The following MSANTD2 variants were observed in gnomAD, a reference collection of about 807,000 sequenced individuals.
MSANTD2 encodes Myb/SANT DNA binding domain containing 2.
Under a neutral mutation model 52.6 loss-of-function variants are expected in MSANTD2, and 19 were observed. That is an observed-to-expected ratio of 0.36 (90% CI 0.25 to 0.53). The LOEUF (loss-of-function observed/expected upper bound fraction) is 0.53. Among genes scored for constraint, MSANTD2 ranks in the 20% least tolerant of loss-of-function variants. The pLI is 0.91. For missense variants in MSANTD2, 558 were observed against 716.3 expected (o/e 0.78, Z 2.52); for synonymous variants, 291 against 289.7 (o/e 1.00, Z -0.04).
chr11:124,780,615 A>G (rs538109475), intron 1 of MSANTD2, among the ~76,000 whole-genome samples: 30 of 152,336 alleles, frequency 2.0e-4, no homozygotes, highest in African/African-American at 7.2e-4. Flanking sequence ...TGGACTCACT[A>G]AAGAACCCAT....
Position 124,767,456 on chromosome 11 carries a change from A to G in MSANTD2, c.1400T>C (p.Ile467Thr). 1.2e-6 allele frequency: 2 copies of G among 1,614,144 alleles called. No homozygotes were observed. The highest frequency in any genetic ancestry group is 1.3e-5 in the African/African-American group (1 of 75,030). The change falls in exon 4 of 4, where the codon ATA (isoleucine) becomes ACA (threonine). Residue 467 changes from isoleucine (I) to threonine (T), a missense_variant. Transcript: ENST00000374979. The surrounding 1 kb of genome is among the most constrained non-coding windows in gnomAD (Gnocchi z 6.5). The stretch of plus-strand genomic sequence containing the variant: ...GCAATAGATAATTCGGGTGGGTTCT[A>G]TTTCCACCTGTAATGAGGCTTGTGC... ...LSAQASLQVE[I>T]EPTRIIYCYL...
intron 1 of MSANTD2, among the ~76,000 whole-genome samples, chr11:124,782,409 G>A (rs563020797): frequency 1.1e-3 from 166 of 152,140 alleles, no homozygotes; most frequent in Admixed American, 2.2e-3. Context: ...CCATGATCAC[G>A]CCACTGCACT....
At position 124,766,952 on chromosome 11, in the gene MSANTD2, A is replaced by T; in HGVS notation, c.*224T>A. The T allele has an allele frequency of 2.3e-6, 1 of 433,346 alleles. No individual in the cohort carries two copies. The allele number at this position is 433,346 out of a possible 1,614,324, so 26.8% of individuals were successfully genotyped here. The stretch of plus-strand genomic sequence containing the variant: ...AAAAGAAATAGCTGACCCACCATGC[A>T]AGTTCGCTATATATCTTGCTTGCTC... On this transcript the variant is annotated 3_prime_UTR_variant, in exon 4 of 4. Coordinates refer to ENST00000374979, the MANE Select transcript of MSANTD2 (RefSeq NM_001308027.2).
chr11:124,775,092 CA>C (rs1242703572), intron 1 of MSANTD2, 118 bp from the exon 2 acceptor site: 1 of 836,560 alleles, frequency 1.2e-6, no homozygotes, highest in Non-Finnish European at 1.7e-6. Flanking sequence ...CACATTGTTA[CA>C]GGAATGCTAG....
At chr11:124,778,711 G>T (rs1381609284) in intron 1 of MSANTD2, among the ~76,000 whole-genome samples, 1 of 152,212 alleles carries the variant, frequency 6.6e-6, no homozygotes, top group African/African-American at 2.4e-5. Context: ...AGACTTCAAA[G>T]ATGTCCCATT....
intron 1 of MSANTD2, among the ~76,000 whole-genome samples, chr11:124,785,515 G>C (rs1461236704): frequency 2.0e-5 from 3 of 152,206 alleles, no homozygotes; most frequent in Non-Finnish European, 4.4e-5. Context: ...TTGTCCTTCA[G>C]AGTTATACCG....
Position 124,774,799 on chromosome 11 carries a change from C to T in MSANTD2, c.686G>A (p.Ser229Asn). 1 of 1,614,174 alleles carries T rather than the reference C, an allele frequency of 6.2e-7. No individual in the cohort carries two copies. Among genetic ancestry groups the T allele is most frequent in the Non-Finnish European group, 8.5e-7 (1 of 1,180,012 alleles). Residue 229 changes from serine to asparagine, a missense_variant, in exon 2 of 4, where the codon AGC becomes AAC. Physicochemically the swap from Ser to Asn is conservative, Grantham distance 46. This residue lies in a region of MSANTD2 where 408 missense variants were observed against 573.6 expected (regional missense o/e 0.71). Transcript: ENST00000374979. The surrounding 1 kb of genome is among the most constrained non-coding windows in gnomAD (Gnocchi z 5.1). ...GLYQELESDG[S>N]TMEDYSQEDW... ...CTCCTGTGAATAGTCCTCCATAGTGCTGCCATCTGACTCCAGCTCCTGGTA... is the reference window on the plus strand; with the variant it reads ...CTCCTGTGAATAGTCCTCCATAGTGTTGCCATCTGACTCCAGCTCCTGGTA...
At position 124,777,096 on chromosome 11, in the gene MSANTD2, A is replaced by G. The variant is rs188238218; in HGVS notation, c.511-2122T>C. 5.5e-4 allele frequency among the ~76,000 whole-genome samples: 83 copies of G among 152,278 alleles called. No homozygotes were observed. The East Asian group carries it at 9.7e-3, about 18-fold the overall frequency. Reference sequence around the variant, plus strand: ...AGCGCCCTCTGCCCTCCTTGCAGGGATTGGAATTTGAATTCCAAACATCCC... The same window carrying G: ...AGCGCCCTCTGCCCTCCTTGCAGGGGTTGGAATTTGAATTCCAAACATCCC... On this transcript the variant is annotated intron_variant, in intron 1 of 3. Transcript: ENST00000374979.
chr11:124,767,779 A>G lies in MSANTD2; in HGVS notation c.1077T>C (p.Ile359=). 6.2e-7 allele frequency: 1 copy of G among 1,614,218 alleles called. No homozygotes were observed. Among genetic ancestry groups the G allele is most frequent in the Non-Finnish European group, 8.5e-7 (1 of 1,180,036 alleles). ...FNSEKPEGRI[I]MTRVQKMNWK... ...AGTTCATTTTCTGCACTCGGGTCAT[A>G]ATGATCCGTCCTTCAGGCTTCTCAG... The change falls in exon 4 of 4, where the codon ATT becomes ATC. Residue 359 remains isoleucine, a synonymous_variant. Transcript: ENST00000374979. The surrounding 1 kb of genome is among the most constrained non-coding windows in gnomAD (Gnocchi z 6.5).
chr11:124,799,628 A>ATTCCCC (rs1945618803), intron 1 of MSANTD2, among the ~76,000 whole-genome samples: 2 of 152,206 alleles, frequency 1.3e-5, no homozygotes, highest in African/African-American at 4.8e-5. Flanking sequence ...GAACATCTCA[A>ATTCCCC]TTGGCAAGAA....
intron 1 of MSANTD2, 184 bp from the exon 2 acceptor site, chr11:124,775,158 C>T: frequency 1.8e-6 from 1 of 565,054 alleles, no homozygotes. Flanking sequence ...TTTACTCAAA[C>T]ATGTTATAAT....
chr11:124,767,114 G>C lies in MSANTD2; in HGVS notation c.*62C>G. ...CGGCATCTGGATGAGGGGTGGTCCGGGTAATGGGAAGTGAGTAGAGAAGAA... is the reference window on the plus strand; with the variant it reads ...CGGCATCTGGATGAGGGGTGGTCCGCGTAATGGGAAGTGAGTAGAGAAGAA... On this transcript the variant is annotated 3_prime_UTR_variant, in exon 4 of 4. Coordinates refer to ENST00000374979, the MANE Select transcript of MSANTD2 (RefSeq NM_001308027.2). The surrounding 1 kb of genome is among the most constrained non-coding windows in gnomAD (Gnocchi z 6.5). The C allele has an allele frequency of 1.3e-6, 2 of 1,500,370 alleles. No homozygotes were observed. The highest frequency in any genetic ancestry group is 1.8e-6 in the Non-Finnish European group (2 of 1,117,274). The allele number at this position is 1,500,370 out of a possible 1,614,324, so 92.9% of individuals were successfully genotyped here.
chr11:124,780,614 T>A (rs957218133), intron 1 of MSANTD2, among the ~76,000 whole-genome samples: 5 of 152,206 alleles, frequency 3.3e-5, no homozygotes, highest in Non-Finnish European at 1.5e-5. Flanking sequence ...CTGGACTCAC[T>A]AAAGAACCCA....
chr11:124,786,724 C>T (rs1244937587), intron 1 of MSANTD2, among the ~76,000 whole-genome samples: 1 of 152,152 alleles, frequency 6.6e-6, no homozygotes, highest in Non-Finnish European at 1.5e-5. Flanking sequence ...TAAATTATCT[C>T]CAAGAATTTA....
At chr11:124,780,154 TA>T (rs1364833747) in intron 1 of MSANTD2, among the ~76,000 whole-genome samples, 16 of 152,146 alleles carry the variant, frequency 1.1e-4, no homozygotes, top group Admixed American at 2.0e-4. Context: ...GTAGCATACA[TA>T]AATAAAAAAA....
intron 1 of MSANTD2, among the ~76,000 whole-genome samples, chr11:124,777,910 A>C (rs912392317): frequency 6.6e-6 from 1 of 152,196 alleles, no homozygotes; most frequent in Non-Finnish European, 1.5e-5. Flanking sequence ...AAGAAAAAAA[A>C]AGAGTAAGAA....
At chr11:124,789,388 G>C (rs1591470814) in intron 1 of MSANTD2, 1 of 152,166 alleles carries the variant, frequency 6.6e-6, no homozygotes, top group African/African-American at 2.4e-5. Context: ...TACATAGGCT[G>C]AGAAAATGCA....
intron 1 of MSANTD2, among the ~76,000 whole-genome samples, chr11:124,785,403 C>G (rs548369267): frequency 6.6e-6 from 1 of 152,346 alleles, no homozygotes; most frequent in Non-Finnish European, 1.5e-5. Flanking sequence ...TTGGGAACCA[C>G]ACATGTGAGA....
intron 3 of MSANTD2, among the ~76,000 whole-genome samples, chr11:124,768,602 G>A (rs1944389537): frequency 6.6e-6 from 1 of 152,156 alleles, no homozygotes; most frequent in Non-Finnish European, 1.5e-5. Flanking sequence ...TATGGCTAAT[G>A]ACCTTTTTAA....
Sources: allele counts gnomAD v4.1 joint callset (sites outside exome capture counted in the v4.1 genomes callset), GRCh38; gene constraint gnomAD v4.1.1; regional missense constraint gnomAD v4.1.1; non-coding constraint Gnocchi (gnomAD v3.1); transcripts MANE v1.5; gene names NCBI Gene and HGNC (gene_info 2026-07-23, HGNC 2026-07-21).